Variants in DMD observed in about 807,000 individuals in gnomAD.
DMD encodes mutant dystrophin.
A neutral mutation model predicts 330.1 loss-of-function variants in DMD; 63 were observed. That is an observed-to-expected ratio of 0.19 (90% CI 0.16 to 0.24). DMD has a LOEUF of 0.24. Among genes scored for constraint, DMD ranks in the 10% least tolerant of loss-of-function variants. The pLI is 1.00. For synonymous variants in DMD, 1,223 were observed against 959.8 expected (o/e 1.27, Z -5.07); for missense variants, 3,344 against 2,684.1 (o/e 1.25, Z -5.43).
intron 44 of DMD, among the ~76,000 whole-genome samples, chrX:32,124,796 G>A: frequency 9.1e-6 from 1 of 110,379 alleles, no homozygotes; most frequent in Admixed American, 9.7e-5. Context: ...TTTGTGGAGG[G>A]GGTGACCAGG....
At chrX:33,074,199 C>T (rs1048477012) in intron 1 of DMD, among the ~76,000 whole-genome samples, 3 of 111,459 alleles carry the variant, frequency 2.7e-5, no homozygotes, top group African/African-American at 6.5e-5. Context: ...AGGCAAACAG[C>T]GAGCTGTAAC....
chrX:33,014,029 G>C (rs1336363843), intron 2 of DMD, among the ~76,000 whole-genome samples: 1 of 112,060 alleles, frequency 8.9e-6, no homozygotes, highest in Non-Finnish European at 1.9e-5. Context: ...CTTTAGTTCT[G>C]AAAATCTAGA....
intron 44 of DMD, among the ~76,000 whole-genome samples, chrX:32,201,340 C>G (rs1458511990): frequency 9.0e-6 from 1 of 110,989 alleles, no homozygotes; most frequent in Non-Finnish European, 1.9e-5. Context: ...CCATGGGTCA[C>G]TGAAACTGGG....
intron 1 of DMD, among the ~76,000 whole-genome samples, chrX:33,108,455 C>CG (rs1042412012): frequency 1.8e-4 from 9 of 49,283 alleles, no homozygotes; most frequent in African/African-American, 7.4e-4. Context: ...TTAGTACAGA[C>CG]GGGGTTTCAC....
At chrX:33,121,228 A>G (rs1366505053) in intron 1 of DMD, among the ~76,000 whole-genome samples, 1 of 104,880 alleles carries the variant, frequency 9.5e-6, no homozygotes, top group Non-Finnish European at 1.9e-5. Flanking sequence ...TCAATTTATC[A>G]TTCTTTTTTT....
intron 43 of DMD, among the ~76,000 whole-genome samples, chrX:32,225,634 G>A (rs906148559): frequency 9.0e-6 from 1 of 110,919 alleles, no homozygotes; most frequent in Non-Finnish European, 1.9e-5. Context: ...GGTTTCTCAC[G>A]GTTTAATACC....
At position 33,118,180 on chromosome X, in the gene DMD, G is replaced by A. The variant is rs1207769259; in HGVS notation, c.31+93102C>T. On this transcript the variant is annotated intron_variant, in intron 1 of 78. Coordinates refer to ENST00000357033, the MANE Select transcript of DMD (RefSeq NM_004006.3). ...GGCTGGAGTGCAGTGGCGCGATCTC[G>A]GCTCACTGCAAGCTCCGCCTCCCGG... 5.9e-5 allele frequency among the ~76,000 whole-genome samples: 6 copies of A among 102,047 alleles called. No homozygotes were observed. The East Asian group carries it at 1.6e-3, about 26-fold the overall frequency. 88.6% of individuals were successfully genotyped at this position (102,047 alleles called of 115,157 possible). A position where few individuals can be genotyped will look rare whatever the true frequency, so the allele number is the denominator to read the frequency against.
chrX:32,759,450 C>T (rs1485280348), intron 7 of DMD, among the ~76,000 whole-genome samples: 3 of 111,585 alleles, frequency 2.7e-5, no homozygotes, highest in Non-Finnish European at 5.6e-5. Flanking sequence ...GCACTTTCCC[C>T]ACTTTCTTTC....
At position 31,177,985 on chromosome X, in the gene DMD, A is replaced by T. The variant is rs1439730714; in HGVS notation, c.10224-15T>A. 8.3e-7 allele frequency: 1 copy of T among 1,199,363 alleles called. No individual in the cohort carries two copies. The highest frequency in any genetic ancestry group is 1.1e-6 in the Non-Finnish European group (1 of 887,157). On this transcript the variant is annotated splice_polypyrimidine_tract_variant and intron_variant, in intron 70 of 78. Transcript: ENST00000357033. ...GAGTAACGGGACTGCAAAACAAAAAATGAGGTGGTGAAGGAGACACACGCA... is the reference window on the plus strand; with the variant it reads ...GAGTAACGGGACTGCAAAACAAAAATTGAGGTGGTGAAGGAGACACACGCA...
At position 33,163,620 on chromosome X, in the gene DMD, C is replaced by G. The variant is rs201345161; in HGVS notation, c.31+47662G>C. ...TATCTATATATATCTATATCTATCTCTATCTATCTATCTATCTATCTATCT... is the reference window on the plus strand; with the variant it reads ...TATCTATATATATCTATATCTATCTGTATCTATCTATCTATCTATCTATCT... On this transcript the variant is annotated intron_variant, in intron 1 of 78. Coordinates refer to ENST00000357033, the MANE Select transcript of DMD (RefSeq NM_004006.3). Among the ~76,000 whole-genome samples the G allele has an allele frequency of 2.6e-4, 5 of 19,486 alleles. No individual in the cohort carries two copies. In the East Asian group the frequency reaches 0.011, roughly 44 times the overall value. 16.9% of individuals were successfully genotyped at this position (19,486 alleles called of 115,157 possible).
intron 55 of DMD, among the ~76,000 whole-genome samples, chrX:31,561,787 T>C (rs2075214047): frequency 8.9e-6 from 1 of 112,435 alleles, no homozygotes; most frequent in African/African-American, 3.2e-5. Context: ...GAGACAAAAA[T>C]ATCTTCAATC....
chrX:32,912,263 G>A (rs775664519), intron 2 of DMD, among the ~76,000 whole-genome samples: 5 of 110,861 alleles, frequency 4.5e-5, no homozygotes, highest in Non-Finnish European at 9.4e-5. Flanking sequence ...GAGAGGAAGA[G>A]AAGCACTCTT....
intron 7 of DMD, among the ~76,000 whole-genome samples, chrX:32,741,002 T>C (rs2069184478): frequency 1.8e-5 from 2 of 111,731 alleles, no homozygotes; most frequent in African/African-American, 3.3e-5. Flanking sequence ...CCTACCCAGA[T>C]ATAGGAAGGT....
chrX:32,781,568 T>C (rs1371091526), intron 7 of DMD, among the ~76,000 whole-genome samples: 1 of 110,526 alleles, frequency 9.0e-6, no homozygotes, highest in Non-Finnish European at 1.9e-5. Flanking sequence ...TGTAATTAAG[T>C]AAATAAATTC....
intron 47 of DMD, among the ~76,000 whole-genome samples, chrX:31,912,662 C>A (rs901141049): frequency 1.8e-5 from 2 of 111,670 alleles, no homozygotes; most frequent in African/African-American, 6.5e-5. Flanking sequence ...TTTGCACCAA[C>A]CTAATATATC....
At chrX:32,606,054 CA>C (rs758302387) in intron 12 of DMD, among the ~76,000 whole-genome samples, 2 of 110,306 alleles carry the variant, frequency 1.8e-5, no homozygotes, top group Non-Finnish European at 3.8e-5. Context: ...TATGCTTTCA[CA>C]GTTATTGTAA....
At chrX:32,983,528 T>TACAC (rs561986393) in intron 2 of DMD, among the ~76,000 whole-genome samples, 4,715 of 73,384 alleles carry the variant, frequency 0.064, 141 homozygotes, top group East Asian at 0.076. Flanking sequence ...CAGAACTAAA[T>TACAC]ACACACACAC....
At chrX:32,410,455 T>C (rs1198520563) in intron 30 of DMD, among the ~76,000 whole-genome samples, 2 of 112,125 alleles carry the variant, frequency 1.8e-5, no homozygotes, top group Non-Finnish European at 3.8e-5. Context: ...GTGTATACTG[T>C]TGCCCAGAAC....
At chrX:31,955,386 T>C (rs745982333) in intron 45 of DMD, among the ~76,000 whole-genome samples, 1 of 112,079 alleles carries the variant, frequency 8.9e-6, no homozygotes, top group South Asian at 3.7e-4. Flanking sequence ...TATGTAACAA[T>C]AAGGGAAAAG....
Sources: gnomAD v4.1 joint callset for allele counts (sites outside exome capture counted in the v4.1 genomes callset) on GRCh38, gnomAD v4.1.1 for gene constraint, MANE v1.5 for transcripts, NCBI Gene and HGNC (gene_info 2026-07-23, HGNC 2026-07-21) for gene names.